Variants in FGF13 observed in about 807,000 individuals in gnomAD.
FGF13 encodes the protein fibroblast growth factor 13, also known as fibroblast growth factor homologous factor 2.
A neutral mutation model predicts 19.5 loss-of-function variants in FGF13; 2 were observed. The observed-to-expected ratio is 0.10, with a 90% CI of 0.04 to 0.32. The LOEUF is 0.32. FGF13 is among the 10% of genes least tolerant of loss of function. The probability of loss-of-function intolerance (pLI) is 1.00; values close to 1 mark genes in which losing one functional copy is unlikely to be tolerated. For synonymous variants in FGF13, 72 were observed against 76.9 expected (o/e 0.94, Z 0.33); for missense variants, 113 against 192.7 (o/e 0.59, Z 2.45).
chrX:139,037,304 T>C (rs1342900703), intron 1 of FGF13, among the ~76,000 whole-genome samples: 1 of 111,127 alleles, frequency 9.0e-6, no homozygotes, highest in Non-Finnish European at 1.9e-5. Flanking sequence ...AGAAAATAAT[T>C]CCTTCCTCAC....
chrX:138,692,954 C>T (rs189542156), intron 3 of FGF13, among the ~76,000 whole-genome samples: 37 of 111,107 alleles, frequency 3.3e-4, no homozygotes, highest in Admixed American at 1.2e-3. Context: ...CAGAGCCAGT[C>T]ACATTCTATT....
intron 1 of FGF13, among the ~76,000 whole-genome samples, chrX:138,937,757 G>T (rs1198023322): frequency 1.8e-5 from 2 of 111,843 alleles, no homozygotes; most frequent in Non-Finnish European, 3.8e-5. Flanking sequence ...ACAAAAAATC[G>T]AAGGCCAAAA....
At chrX:138,846,638 C>A (rs1425423790) in intron 3 of FGF13, among the ~76,000 whole-genome samples, 1 of 111,573 alleles carries the variant, frequency 9.0e-6, no homozygotes, top group Non-Finnish European at 1.9e-5. Context: ...TCTTGTACAG[C>A]CTGCAGAACT....
intron 1 of FGF13, among the ~76,000 whole-genome samples, chrX:139,115,207 C>CCTA (rs2083630773): frequency 8.9e-6 from 1 of 111,776 alleles, no homozygotes; most frequent in South Asian, 3.7e-4. Context: ...ACCATGCAGT[C>CCTA]CTACTCTTTA....
At chrX:139,007,895 T>C (rs985725071) in intron 1 of FGF13, among the ~76,000 whole-genome samples, 2 of 112,645 alleles carry the variant, frequency 1.8e-5, no homozygotes, top group African/African-American at 3.2e-5. Flanking sequence ...GTTTGTGATC[T>C]GGGGTAAGTT....
chrX:138,899,061 A>G (rs1426981242), intron 1 of FGF13, among the ~76,000 whole-genome samples: 1 of 111,756 alleles, frequency 8.9e-6, no homozygotes, highest in Non-Finnish European at 1.9e-5. Context: ...TGGAATTAGA[A>G]ACCAGATTCA....
At chrX:138,944,123 T>C (rs1273739953) in intron 1 of FGF13, among the ~76,000 whole-genome samples, 3 of 111,205 alleles carry the variant, frequency 2.7e-5, no homozygotes, top group East Asian at 2.8e-4. Flanking sequence ...GAAAATTGGG[T>C]GTGTAGAGAA....
At chrX:139,132,968 C>A (rs748686040) in intron 1 of FGF13, among the ~76,000 whole-genome samples, 1 of 111,441 alleles carries the variant, frequency 9.0e-6, no homozygotes, top group South Asian at 3.8e-4. Context: ...TTGACCAGCA[C>A]TTTCCAATGT....
intron 1 of FGF13, among the ~76,000 whole-genome samples, chrX:139,161,303 C>T (rs773967740): frequency 3.6e-5 from 4 of 111,714 alleles, no homozygotes; most frequent in Admixed American, 1.9e-4. Flanking sequence ...CTCCTTCATG[C>T]TAAAAACCCT....
At chrX:138,974,772 A>G (rs2091933221) in intron 1 of FGF13, among the ~76,000 whole-genome samples, 1 of 112,836 alleles carries the variant, frequency 8.9e-6, no homozygotes, top group African/African-American at 3.2e-5. Context: ...AGCTCAGTAA[A>G]GGAGACTGTG....
At chrX:139,133,621 C>T (rs1446147071) in intron 1 of FGF13, among the ~76,000 whole-genome samples, 1 of 111,169 alleles carries the variant, frequency 9.0e-6, no homozygotes, top group Non-Finnish European at 1.9e-5. Context: ...TCACCTTAGG[C>T]CTCACAGGCA....
In FGF13 at chrX:138,799,274, G is replaced by A. The variant is rs142242459; in HGVS notation, c.217+58238C>T. Among the ~76,000 whole-genome samples, 205 of 111,359 alleles carry A rather than the reference G, an allele frequency of 1.8e-3. 1 individual carries two copies. The highest frequency in any genetic ancestry group is 6.6e-3 in the African/African-American group (202 of 30,668). On this transcript the variant is annotated intron_variant, in intron 3 of 6. Transcript: ENST00000436198. ...GGAAGATTGTCTCTTTGTTCTCTTTGGTTTCAAAGAAGTTATTCATTTCTG... is the reference window on the plus strand; with the variant it reads ...GGAAGATTGTCTCTTTGTTCTCTTTAGTTTCAAAGAAGTTATTCATTTCTG...
chrX:138,990,995 T>A (rs2124347137), intron 1 of FGF13, among the ~76,000 whole-genome samples: 1 of 111,997 alleles, frequency 8.9e-6, no homozygotes, highest in South Asian at 3.8e-4. Flanking sequence ...TCGGTATGCA[T>A]CCTTGTGCAC....
intron 3 of FGF13, among the ~76,000 whole-genome samples, chrX:138,654,419 G>A (rs1036855184): frequency 3.6e-5 from 4 of 112,019 alleles, no homozygotes; most frequent in African/African-American, 1.3e-4. Context: ...CTGCTTCAAG[G>A]TGAGTGATTT....
chrX:138,616,716 A>G lies in FGF13; in HGVS notation c.*16134T>C, dbSNP rs764754523. ...TTCTCCCTGAGAGCTCTACCCCTGC[A>G]GCAGACTTCTGTCTGGACATCCAGG... On this transcript the variant is annotated 3_prime_UTR_variant, in exon 5 of 5. Coordinates refer to ENST00000315930, the MANE Select transcript of FGF13 (RefSeq NM_004114.5). 2 of 112,639 alleles carry G rather than the reference A, an allele frequency of 1.8e-5. No individual in the cohort carries two copies. Among genetic ancestry groups the G allele is most frequent in the African/African-American group, 6.4e-5 (2 of 31,087 alleles). 9.3% of individuals were successfully genotyped at this position (112,639 alleles called of 1,213,427 possible).
chrX:139,036,808 A>C (rs1278979463), intron 1 of FGF13, among the ~76,000 whole-genome samples: 1 of 111,339 alleles, frequency 9.0e-6, no homozygotes, highest in Non-Finnish European at 1.9e-5. Flanking sequence ...AAGAGAGAGA[A>C]CTTGTGCAGG....
rs2083522204 is a variant in FGF13, at chrX:139,102,502, T to C, written c.-113+100914A>G. Among the ~76,000 whole-genome samples the C allele has an allele frequency of 2.7e-5, 3 of 112,290 alleles. No individual in the cohort carries two copies. The South Asian group carries it at 1.1e-3, about 42-fold the overall frequency. Reference sequence around the variant, plus strand: ...GTTATTTAGGATCTCTGAGTCTGTTTCTTCTTTGATGAAACTGGAATAACA... The same window carrying C: ...GTTATTTAGGATCTCTGAGTCTGTTCCTTCTTTGATGAAACTGGAATAACA... On this transcript the variant is annotated intron_variant, in intron 1 of 2. Transcript: ENST00000421460.
At chrX:138,826,365 C>T (rs923712651) in intron 3 of FGF13, among the ~76,000 whole-genome samples, 3 of 112,176 alleles carry the variant, frequency 2.7e-5, no homozygotes, top group Admixed American at 9.4e-5. Flanking sequence ...AAATTTGGCA[C>T]ACCCCTTAAA....
rs1207960403 is a variant in FGF13, at chrX:138,627,493, A to T, written c.*5357T>A. ...AAGCCAGAGAGCCACATGGATTTTG[A>T]ACTTGACTGCTCCATTCTCCCAACT... On this transcript the variant is annotated 3_prime_UTR_variant, in exon 5 of 5. Coordinates refer to ENST00000315930, the MANE Select transcript of FGF13 (RefSeq NM_004114.5). 1 of 109,311 alleles carries T rather than the reference A, an allele frequency of 9.1e-6. No homozygotes were observed. Among genetic ancestry groups the T allele is most frequent in the Admixed American group, 1.0e-4 (1 of 9,992 alleles). The allele number at this position is 109,311 out of a possible 1,213,427, so 9.0% of individuals were successfully genotyped here. A position where few individuals can be genotyped will look rare whatever the true frequency, so the allele number is the denominator to read the frequency against.
Sources: gnomAD v4.1 joint callset for allele counts (sites outside exome capture counted in the v4.1 genomes callset) on GRCh38, gnomAD v4.1.1 for gene constraint, MANE v1.5 for transcripts, NCBI Gene and HGNC (gene_info 2026-07-23, HGNC 2026-07-21) for gene names.